Variants in RBFOX1 observed in about 807,000 individuals in gnomAD.
The protein encoded by RBFOX1 is RNA binding protein fox-1 homolog 1.
In RBFOX1, 8 loss-of-function variants were observed where a neutral mutation model predicts 57.7. The ratio of observed to expected loss-of-function variants is 0.14; its 90% CI spans 0.08 to 0.25. RBFOX1 has a LOEUF of 0.25. Ranked by LOEUF, RBFOX1 falls within the 10% of genes least tolerant of loss-of-function variation. The pLI is 1.00. For missense variants in RBFOX1, 611 were observed against 548.5 expected (o/e 1.11, Z -1.14); for synonymous variants, 326 against 222.4 (o/e 1.47, Z -4.15).
At chr16:7,039,768 G>A (rs1487373158) in intron 3 of RBFOX1, among the ~76,000 whole-genome samples, 1 of 152,072 alleles carries the variant, frequency 6.6e-6, no homozygotes, top group African/African-American at 2.4e-5. Flanking sequence ...ACTGTATTAT[G>A]TTCAAAGATT....
chr16:7,143,975 C>G lies in RBFOX1; in HGVS notation c.27+91877C>G, dbSNP rs150953065. The stretch of plus-strand genomic sequence containing the variant: ...TTTTTCTGAAAACAATCATAACTCT[C>G]TTTAAACCATGGTGTTGTCTTTGGA... On this transcript the variant is annotated intron_variant, in intron 4 of 15. Transcript: ENST00000550418. Among the ~76,000 whole-genome samples, 1,166 of 152,212 alleles carry G rather than the reference C, an allele frequency of 7.7e-3. 5 individuals carry two copies. Among genetic ancestry groups the G allele is most frequent in the Non-Finnish European group, 0.011 (738 of 68,006 alleles).
In RBFOX1 at chr16:5,314,248, T is replaced by C. The variant is rs527962610; in HGVS notation, c.219+74143T>C. Among the ~76,000 whole-genome samples, 19 of 152,304 alleles carry C rather than the reference T, an allele frequency of 1.2e-4. No homozygotes were observed. In the South Asian group the frequency reaches 3.3e-3, roughly 27 times the overall value. ...TTAGGCAACCCAACTTGCGAATGCA[T>C]GTATTGCAGACCCAACAGATAACCA... On this transcript the variant is annotated intron_variant, in intron 1 of 2. Transcript: ENST00000585867.
chr16:5,422,219 A>AG (rs1274415834), intron 1 of RBFOX1, among the ~76,000 whole-genome samples: 9 of 141,354 alleles, frequency 6.4e-5, no homozygotes, highest in African/African-American at 2.3e-4. Flanking sequence ...TGGAGGAGAG[A>AG]GGAGGGAGAG....
At chr16:5,306,384 A>T (rs1167668383) in intron 1 of RBFOX1, among the ~76,000 whole-genome samples, 1 of 150,016 alleles carries the variant, frequency 6.7e-6, no homozygotes, top group African/African-American at 2.5e-5. Context: ...TAGTGGCATG[A>T]TCTTGACCCA....
chr16:5,795,193 G>A (rs940158579), intron 3 of RBFOX1, among the ~76,000 whole-genome samples: 6 of 152,250 alleles, frequency 3.9e-5, no homozygotes, highest in African/African-American at 1.4e-4. Context: ...GTCAAGAAAT[G>A]ATTCTACGTC....
intron 3 of RBFOX1, among the ~76,000 whole-genome samples, chr16:5,621,998 T>C (rs1416032139): frequency 6.6e-6 from 1 of 152,196 alleles, no homozygotes; most frequent in Non-Finnish European, 1.5e-5. Flanking sequence ...CTTGGCCACG[T>C]GTCAAAAGTA....
At chr16:7,226,044 T>C (rs2093094397) in intron 4 of RBFOX1, among the ~76,000 whole-genome samples, 1 of 151,974 alleles carries the variant, frequency 6.6e-6, no homozygotes. Context: ...GCGTCCACTT[T>C]ATTTCATGTC....
At chr16:5,835,618 G>A (rs2056432243) in intron 3 of RBFOX1, among the ~76,000 whole-genome samples, 2 of 152,096 alleles carry the variant, frequency 1.3e-5, no homozygotes, top group Admixed American at 1.3e-4. Flanking sequence ...CTCCCCACAG[G>A]GTTTCTGCAG....
At chr16:6,096,799 T>C (rs140541284) in intron 1 of RBFOX1, among the ~76,000 whole-genome samples, 1 of 152,310 alleles carries the variant, frequency 6.6e-6, no homozygotes, top group East Asian at 1.9e-4. Context: ...CTGTGTCAAA[T>C]ACATGAACCC....
intron 3 of RBFOX1, among the ~76,000 whole-genome samples, chr16:5,844,416 A>G (rs2056699868): frequency 6.6e-6 from 1 of 152,212 alleles, no homozygotes; most frequent in Admixed American, 6.5e-5. Flanking sequence ...CCCCAAAGTA[A>G]TTGGCATTAC....
chr16:6,153,851 G>C (rs757314813), intron 1 of RBFOX1, among the ~76,000 whole-genome samples: 1 of 152,206 alleles, frequency 6.6e-6, no homozygotes, highest in Non-Finnish European at 1.5e-5. Flanking sequence ...TATCATCTTA[G>C]GCTTCGCATT....
intron 1 of RBFOX1, among the ~76,000 whole-genome samples, chr16:5,370,445 C>T (rs1567402715): frequency 2.1e-5 from 3 of 145,692 alleles, no homozygotes; most frequent in African/African-American, 2.5e-5. Flanking sequence ...AATTGTTCCC[C>T]GATCCAGCCT....
At chr16:5,696,852 C>T (rs12444285) in intron 3 of RBFOX1, among the ~76,000 whole-genome samples, 83,952 of 150,110 alleles carry the variant, frequency 0.56, 26,193 homozygotes, top group Non-Finnish European at 0.71. Flanking sequence ...AATTATCTAT[C>T]TTACATATCT....
chr16:6,927,906 A>T (rs552396300), intron 3 of RBFOX1, among the ~76,000 whole-genome samples: 1 of 152,222 alleles, frequency 6.6e-6, no homozygotes, highest in African/African-American at 2.4e-5. Context: ...AACATCATCT[A>T]AACACTAAAT....
At chr16:5,833,292 G>C (rs763139674) in intron 3 of RBFOX1, among the ~76,000 whole-genome samples, 2 of 152,064 alleles carry the variant, frequency 1.3e-5, no homozygotes, top group Non-Finnish European at 2.9e-5. Flanking sequence ...AGGAGATCGA[G>C]ACCATCCTGG....
intron 3 of RBFOX1, among the ~76,000 whole-genome samples, chr16:6,738,987 C>T (rs1211963364): frequency 1.3e-5 from 2 of 152,076 alleles, no homozygotes; most frequent in Non-Finnish European, 2.9e-5. Flanking sequence ...GCAGCCAAAG[C>T]AGTCATTAGA....
At chr16:5,731,060 C>A (rs1597009468) in intron 3 of RBFOX1, among the ~76,000 whole-genome samples, 1 of 148,622 alleles carries the variant, frequency 6.7e-6, no homozygotes, top group African/African-American at 2.4e-5. Context: ...CCATTGTCAC[C>A]AATGTAAGCA....
At chr16:5,578,845 T>A (rs12919225) in intron 2 of RBFOX1, among the ~76,000 whole-genome samples, 3 of 75,932 alleles carry the variant, frequency 4.0e-5, no homozygotes, top group African/African-American at 1.1e-4. Flanking sequence ...ACACACACCC[T>A]TTTTTTTTTT....
chr16:7,282,128 G>A (rs2141201114), intron 4 of RBFOX1, among the ~76,000 whole-genome samples: 2 of 152,274 alleles, frequency 1.3e-5, no homozygotes, highest in Middle Eastern at 6.8e-3. Context: ...CTCCCAGAGT[G>A]CTGGGATTAC....
Sources: gnomAD v4.1 joint callset for allele counts (sites outside exome capture counted in the v4.1 genomes callset) on GRCh38, gnomAD v4.1.1 for gene constraint, MANE v1.5 for transcripts, NCBI Gene and HGNC (gene_info 2026-07-23, HGNC 2026-07-21) for gene names.